INSL6: variants seen among roughly 807,000 people sequenced by gnomAD.
INSL6 encodes insulin-like peptide INSL6.
INSL6 carries 16 observed loss-of-function variants against 9.4 expected under a neutral mutation model. That is an observed-to-expected ratio of 1.70 (90% confidence interval 1.15 to 2.59). The LOEUF (loss-of-function observed/expected upper bound fraction) is 2.59, where lower values mean the gene tolerates loss of function less well. Among genes scored for constraint, INSL6 ranks in the 30% most tolerant of loss-of-function variants. The pLI is 0.00. For missense variants in INSL6, 391 were observed against 257.3 expected (o/e 1.52, Z -3.56); for synonymous variants, 154 against 96.9 (o/e 1.59, Z -3.46).
chr9:5,059,085 C>G, the INSL6 span, among the ~76,000 whole-genome samples: 9 of 152,106 alleles, frequency 5.9e-5, no homozygotes, highest in Non-Finnish European at 1.3e-4. Context: ...TGAGATATAA[C>G]ATGAACCCAG....
At chr9:5,045,242 G>A in the INSL6 span, among the ~76,000 whole-genome samples, 1 of 152,142 alleles carries the variant, frequency 6.6e-6, no homozygotes, top group African/African-American at 2.4e-5. Flanking sequence ...CAAGGTATCA[G>A]GAGTTCTAAA....
the INSL6 span, among the ~76,000 whole-genome samples, chr9:5,019,130 T>G: frequency 2.0e-5 from 3 of 152,180 alleles, no homozygotes; most frequent in African/African-American, 7.2e-5. Context: ...CAGCTATTAT[T>G]TCATTAACCA....
chr9:5,112,488 G>T, the INSL6 span: 1 of 552,836 alleles, frequency 1.8e-6, no homozygotes, highest in African/African-American at 2.0e-5. Context: ...GCCCAGACAA[G>T]GACGAGGAGG....
At chr9:5,003,543 C>T in the INSL6 span, among the ~76,000 whole-genome samples, 1 of 151,926 alleles carries the variant, frequency 6.6e-6, no homozygotes, top group African/African-American at 2.4e-5. Context: ...TACAGAAATG[C>T]AGTTGATTTT....
At chr9:5,147,616 C>G (rs1231255214) in intron 2 of INSL6, among the ~76,000 whole-genome samples, 1 of 152,168 alleles carries the variant, frequency 6.6e-6, no homozygotes, top group Non-Finnish European at 1.5e-5. Flanking sequence ...TCTAATGAGA[C>G]TGGGGAAATT....
chr9:5,120,507 G>A (rs540047238), downstream of INSL6, among the ~76,000 whole-genome samples: 5 of 152,200 alleles, frequency 3.3e-5, no homozygotes, highest in African/African-American at 1.2e-4. Flanking sequence ...TTTGTTTTAA[G>A]CTAACAATAT....
the INSL6 span, among the ~76,000 whole-genome samples, chr9:5,076,775 G>C: frequency 6.6e-6 from 1 of 151,994 alleles, no homozygotes; most frequent in Non-Finnish European, 1.5e-5. Context: ...ATCTACACTT[G>C]TATGACATTT....
At chr9:5,008,510 T>C in the INSL6 span, among the ~76,000 whole-genome samples, 2 of 152,150 alleles carry the variant, frequency 1.3e-5, no homozygotes, top group Admixed American at 6.5e-5. Context: ...TCTAAAGAAA[T>C]ATAAAATGAT....
At chr9:5,090,429 C>T in the INSL6 span, 4 of 1,496,662 alleles carry the variant, frequency 2.7e-6, no homozygotes, top group Non-Finnish European at 3.6e-6. Flanking sequence ...ACATTATTTC[C>T]ACCTTTATGT....
At chr9:5,110,896 C>T in the INSL6 span, 5 of 544,814 alleles carry the variant, frequency 9.2e-6, no homozygotes, top group East Asian at 9.1e-5. Flanking sequence ...CTGAGATGCC[C>T]GCTCTGGCCC....
At chr9:5,182,098 G>C (rs1006939020) in intron 1 of INSL6, among the ~76,000 whole-genome samples, 3 of 152,092 alleles carry the variant, frequency 2.0e-5, no homozygotes, top group Non-Finnish European at 4.4e-5. Context: ...AGGTTCATAA[G>C]GGGACACATA....
At chr9:5,112,272 G>A in the INSL6 span, 1 of 263,030 alleles carries the variant, frequency 3.8e-6, no homozygotes, top group South Asian at 3.9e-5. Flanking sequence ...CCTGCGGGCA[G>A]CGCCAGCCTC....
the INSL6 span, chr9:5,050,650 T>TA: frequency 6.3e-7 from 1 of 1,582,984 alleles, no homozygotes. Context: ...TAATGAAACT[T>TA]ACGATGAGAT....
At chr9:5,113,806 GCA>G in the INSL6 span, 1 of 171,216 alleles carries the variant, frequency 5.8e-6, no homozygotes, top group Admixed American at 6.3e-5. Flanking sequence ...CTGCAGCGTG[GCA>G]CACACTCTGT....
the INSL6 span, among the ~76,000 whole-genome samples, chr9:5,042,124 C>CTTTTT: frequency 3.3e-4 from 35 of 107,608 alleles, no homozygotes; most frequent in Non-Finnish European, 4.3e-4. Flanking sequence ...GCCAAAATTT[C>CTTTTT]TTTTTTTTTT....
At chr9:5,127,323 G>A (rs1179478078) in intron 3 of INSL6, 1 of 231,814 alleles carries the variant, frequency 4.3e-6, no homozygotes, top group Non-Finnish European at 8.6e-6. Flanking sequence ...AATTGAATAA[G>A]TACCTTTGTG....
chr9:5,085,485 A>T, the INSL6 span: 1 of 723,854 alleles, frequency 1.4e-6, no homozygotes. Flanking sequence ...TCTCATGCTC[A>T]TTTTCTTTTG....
intron 1 of INSL6, among the ~76,000 whole-genome samples, chr9:5,167,566 T>G (rs996881150): frequency 9.2e-5 from 14 of 152,200 alleles, no homozygotes; most frequent in Non-Finnish European, 1.5e-4. Context: ...GGCCTCCCTG[T>G]GGGAATTTTC....
At chr9:5,006,471 C>T in the INSL6 span, among the ~76,000 whole-genome samples, 2 of 152,136 alleles carry the variant, frequency 1.3e-5, no homozygotes, top group East Asian at 1.9e-4. Context: ...TCTCATATTG[C>T]TATAAAGAGC....
Sources: gnomAD v4.1 joint callset for allele counts (sites outside exome capture counted in the v4.1 genomes callset) on GRCh38, gnomAD v4.1.1 for gene constraint, MANE v1.5 for transcripts, NCBI Gene and HGNC (gene_info 2026-07-23, HGNC 2026-07-21) for gene names.